NRDC: variants seen among roughly 807,000 people sequenced by gnomAD.
The protein encoded by NRDC is nardilysin convertase, also known as nardilysin.
Under a neutral mutation model 147.1 loss-of-function variants are expected in NRDC, and 54 were observed. That is an observed-to-expected ratio of 0.37 (90% CI 0.29 to 0.46). The LOEUF is 0.46. NRDC is among the 20% of genes least tolerant of loss of function. NRDC has a pLI of 1.00. For missense variants in NRDC, 1,082 were observed against 1,370.6 expected (o/e 0.79, Z 3.33); for synonymous variants, 440 against 482.1 (o/e 0.91, Z 1.14).
intron 4 of NRDC, among the ~76,000 whole-genome samples, chr1:51,831,791 C>G (rs1248901380): frequency 1.3e-5 from 2 of 151,768 alleles, no homozygotes; most frequent in Non-Finnish European, 2.9e-5. Flanking sequence ...GTTGGCCAGG[C>G]TGGTCTCGAA....
intron 27 of NRDC, among the ~76,000 whole-genome samples, 193 bp from the exon 28 acceptor site, chr1:51,791,183 C>T (rs777269838): frequency 1.3e-5 from 2 of 152,160 alleles, no homozygotes; most frequent in African/African-American, 4.8e-5. Context: ...AACCCTCCCC[C>T]TCACCCCACC....
Position 51,795,372 on chromosome 1 carries a change from A to G in NRDC, c.2605-518T>C, listed in dbSNP as rs961781821. 29 of 374,714 alleles carry G rather than the reference A, an allele frequency of 7.7e-5. No individual in the cohort carries two copies. In the Admixed American group the frequency reaches 1.1e-3, roughly 15 times the overall value. The allele number at this position is 374,714 out of a possible 1,614,324, so 23.2% of individuals were successfully genotyped here. A position where few individuals can be genotyped will look rare whatever the true frequency, so the allele number is the denominator to read the frequency against. ...AAATTCATGGTACTAAGGACTCTGT[A>G]TCAAAAGCCCTTGCCTGGTACTTCA... On this transcript the variant is annotated intron_variant, in intron 22 of 30. Coordinates refer to ENST00000352171, the MANE Select transcript of NRDC (RefSeq NM_001101662.2).
intron 11 of NRDC, among the ~76,000 whole-genome samples, chr1:51,815,302 G>A (rs762233298): frequency 5.3e-5 from 8 of 151,252 alleles, no homozygotes; most frequent in Non-Finnish European, 1.2e-4. Context: ...AATTACAGGC[G>A]TGAGCCACCG....
chr1:51,875,810 C>T (rs940127165), intron 1 of NRDC, among the ~76,000 whole-genome samples: 8 of 152,088 alleles, frequency 5.3e-5, no homozygotes, highest in African/African-American at 1.7e-4. Flanking sequence ...CAACACGGCC[C>T]CCCAAGTGCT....
At position 51,789,222 on chromosome 1, in the gene NRDC, T is replaced by TGAC. The variant is rs765287118; in HGVS notation, c.*11_*13dup. On this transcript the variant is annotated 3_prime_UTR_variant, in exon 31 of 31. Coordinates refer to ENST00000352171, the MANE Select transcript of NRDC (RefSeq NM_001101662.2). The stretch of plus-strand genomic sequence containing the variant: ...AAATACACATTGCTTCAGGCCAACG[T>TGAC]GACTGCAGTTTATTTATTTGACTAT... The TGAC allele has an allele frequency of 2.5e-6, 4 of 1,610,166 alleles. No homozygotes were observed. In the South Asian group the frequency reaches 4.4e-5, roughly 18 times the overall value.
chr1:51,850,183 A>T (rs115133860), intron 1 of NRDC, among the ~76,000 whole-genome samples: 3,157 of 152,000 alleles, frequency 0.021, 112 homozygotes, highest in African/African-American at 0.072. Flanking sequence ...TCTCAAAAAA[A>T]AATAATAATA....
intron 17 of NRDC, among the ~76,000 whole-genome samples, chr1:51,808,462 C>CACTTTTTATG (rs1325639070): frequency 6.6e-6 from 1 of 152,204 alleles, no homozygotes; most frequent in Admixed American, 6.5e-5. Flanking sequence ...TAGTATGTAT[C>CACTTTTTATG]AGTACTACAC....
At chr1:51,796,204 T>C (rs1306622224) in intron 22 of NRDC, among the ~76,000 whole-genome samples, 2 of 152,024 alleles carry the variant, frequency 1.3e-5, no homozygotes, top group Non-Finnish European at 2.9e-5. Flanking sequence ...TTTCATTTAT[T>C]TGGCCTAACA....
At chr1:51,792,253 G>A (rs1678691100) in intron 25 of NRDC, 124 bp downstream of exon 25, 9 of 1,320,348 alleles carry the variant, frequency 6.8e-6, no homozygotes, top group Non-Finnish European at 9.8e-6. Context: ...AACAGTAAAT[G>A]ACCATCTCAC....
chr1:51,831,608 T>G (rs894823240), intron 4 of NRDC, among the ~76,000 whole-genome samples: 19 of 151,610 alleles, frequency 1.3e-4, no homozygotes, highest in African/African-American at 4.6e-4. Flanking sequence ...AGACAGGGTC[T>G]CGGTCCATCA....
intron 1 of NRDC, among the ~76,000 whole-genome samples, chr1:51,868,606 G>A (rs1416131405): frequency 6.6e-6 from 1 of 152,144 alleles, no homozygotes; most frequent in African/African-American, 2.4e-5. Context: ...GGGCACAGTG[G>A]TTCATGCCCG....
At chr1:51,837,621 C>T in intron 2 of NRDC, 6 of 1,496,706 alleles carry the variant, frequency 4.0e-6, no homozygotes, top group Non-Finnish European at 5.4e-6. Context: ...TCTGCAATTG[C>T]TAGAAAAGAA....
At chr1:51,875,086 T>G (rs1683258177) in intron 1 of NRDC, among the ~76,000 whole-genome samples, 1 of 152,232 alleles carries the variant, frequency 6.6e-6, no homozygotes, top group South Asian at 2.1e-4. Context: ...CAGCAGAATC[T>G]GGAAGGATAA....
At chr1:51,803,692 A>C (rs927953662) in intron 20 of NRDC, 122 bp downstream of exon 20, 1 of 719,296 alleles carries the variant, frequency 1.4e-6, no homozygotes, top group Non-Finnish European at 2.2e-6. Flanking sequence ...TCAGCCAAGA[A>C]TATTCAAGAT....
intron 1 of NRDC, chr1:51,862,330 G>C (rs1017398951): frequency 1.3e-5 from 2 of 151,098 alleles, no homozygotes; most frequent in African/African-American, 4.9e-5. Flanking sequence ...ACAGGCAGGA[G>C]GATCACTTGA....
intron 4 of NRDC, among the ~76,000 whole-genome samples, chr1:51,829,966 T>C (rs1038953457): frequency 1.8e-5 from 2 of 109,430 alleles, no homozygotes; most frequent in African/African-American, 1.2e-4. Context: ...CTTTTATTTC[T>C]TTTTTTTTTT....
At chr1:51,830,626 A>G (rs1184484752) in intron 4 of NRDC, among the ~76,000 whole-genome samples, 1 of 152,108 alleles carries the variant, frequency 6.6e-6, no homozygotes, top group Admixed American at 6.5e-5. Context: ...CTTTTTCACA[A>G]CCTGAAAGTG....
intron 24 of NRDC, among the ~76,000 whole-genome samples, chr1:51,792,873 A>G (rs1557895576): frequency 1.3e-5 from 2 of 152,248 alleles, no homozygotes; most frequent in Admixed American, 1.3e-4. Context: ...AAACCAGTTG[A>G]TAAGAAAAAT....
intron 1 of NRDC, chr1:51,862,074 T>A (rs1682569918): frequency 6.6e-6 from 1 of 152,182 alleles, no homozygotes; most frequent in Admixed American, 6.5e-5. Flanking sequence ...CATAGGTAAT[T>A]TGACTTTGGA....
Sources: allele counts gnomAD v4.1 joint callset (sites outside exome capture counted in the v4.1 genomes callset), GRCh38; gene constraint gnomAD v4.1.1; transcripts MANE v1.5; gene names NCBI Gene and HGNC (gene_info 2026-07-23, HGNC 2026-07-21).